STPG2: variants seen among roughly 807,000 people sequenced by gnomAD.
STPG2 encodes sperm tail PG-rich repeat containing 2, also known as sperm-tail PG-rich repeat-containing protein 2.
Under a neutral mutation model 54.2 loss-of-function variants are expected in STPG2, and 56 were observed. The observed-to-expected ratio is 1.03, with a 90% CI of 0.83 to 1.29. The LOEUF is 1.29. STPG2 is among the 50% of genes most tolerant of loss of function. The probability of loss-of-function intolerance (pLI) is 0.00; values close to 1 mark genes in which losing one functional copy is unlikely to be tolerated. For synonymous variants in STPG2, 200 were observed against 181.8 expected (o/e 1.10, Z -0.81); for missense variants, 596 against 544.9 (o/e 1.09, Z -0.93).
chr4:97,570,767 T>G (rs1578397256), intron 10 of STPG2, among the ~76,000 whole-genome samples: 1 of 152,276 alleles, frequency 6.6e-6, no homozygotes, highest in East Asian at 1.9e-4. Flanking sequence ...TCCTTTGATT[T>G]CTCACTTCTC....
At chr4:97,960,671 C>G (rs1733850186) in intron 7 of STPG2, among the ~76,000 whole-genome samples, 1 of 152,112 alleles carries the variant, frequency 6.6e-6, no homozygotes, top group East Asian at 1.9e-4. Context: ...AGGAAAACTA[C>G]AAAACACTGC....
Position 98,143,278 on chromosome 4 carries a change from A to G in STPG2, c.-128T>C. The G allele has an allele frequency of 6.0e-6, 4 of 662,220 alleles. No homozygotes were observed. In the South Asian group the frequency reaches 7.8e-5, roughly 13 times the overall value. The allele number at this position is 662,220 out of a possible 1,614,324, so 41.0% of individuals were successfully genotyped here. A position where few individuals can be genotyped will look rare whatever the true frequency, so the allele number is the denominator to read the frequency against. ...GGAGGCCGGGAAAGAACTTCCGTAA[A>G]CAGGGAAATTAGGGGTGGGGTTGTC... is the stretch of plus-strand genomic sequence containing the variant. On this transcript the variant is annotated 5_prime_UTR_variant, in exon 1 of 11. Transcript: ENST00000295268.
chr4:97,567,783 A>G (rs1047545032), intron 10 of STPG2, among the ~76,000 whole-genome samples: 1 of 152,124 alleles, frequency 6.6e-6, no homozygotes. Flanking sequence ...TAAAAGATAT[A>G]CCGCATGTTG....
At chr4:97,724,052 A>G (rs1724542657) in intron 9 of STPG2, among the ~76,000 whole-genome samples, 1 of 152,216 alleles carries the variant, frequency 6.6e-6, no homozygotes, top group Non-Finnish European at 1.5e-5. Flanking sequence ...ACATCTTTAC[A>G]ATAAATTGTC....
chr4:97,888,423 A>G (rs6838628), intron 8 of STPG2, among the ~76,000 whole-genome samples: 84,491 of 152,094 alleles, frequency 0.56, 23,768 homozygotes, highest in East Asian at 0.74. Flanking sequence ...TGGAGGTGAG[A>G]CATAGAGTCA....
At chr4:97,967,803 G>C (rs1734165941) in intron 7 of STPG2, among the ~76,000 whole-genome samples, 2 of 152,172 alleles carry the variant, frequency 1.3e-5, no homozygotes, top group South Asian at 4.1e-4. Flanking sequence ...GATGTTCTTT[G>C]AAACCAATGA....
At chr4:97,991,914 T>C (rs1197670328) in intron 5 of STPG2, among the ~76,000 whole-genome samples, 2 of 151,832 alleles carry the variant, frequency 1.3e-5, no homozygotes, top group Non-Finnish European at 2.9e-5. Context: ...CTTTTGAGAA[T>C]TGTCTATTCA....
chr4:97,714,417 T>C (rs1724226139), intron 9 of STPG2, among the ~76,000 whole-genome samples: 1 of 152,048 alleles, frequency 6.6e-6, no homozygotes, highest in South Asian at 2.1e-4. Context: ...TTTTGATACA[T>C]CAAGTGAAAA....
intron 9 of STPG2, among the ~76,000 whole-genome samples, chr4:97,738,950 C>G (rs1452720127): frequency 6.6e-6 from 1 of 151,912 alleles, no homozygotes; most frequent in Non-Finnish European, 1.5e-5. Flanking sequence ...CAAAATTGAC[C>G]AAATAGTTGG....
chr4:98,090,350 G>C (rs57532205), intron 5 of STPG2, among the ~76,000 whole-genome samples: 6 of 152,114 alleles, frequency 3.9e-5, no homozygotes, highest in African/African-American at 1.4e-4. Context: ...TCAAAGATTA[G>C]TTAGTTGGCT....
chr4:97,708,219 T>A (rs1400736301), intron 10 of STPG2, among the ~76,000 whole-genome samples: 1 of 152,034 alleles, frequency 6.6e-6, no homozygotes, highest in Non-Finnish European at 1.5e-5. Flanking sequence ...ATATTACCAC[T>A]TTTCATAATC....
intron 9 of STPG2, among the ~76,000 whole-genome samples, chr4:97,738,917 T>C (rs1362760581): frequency 1.3e-5 from 2 of 152,184 alleles, no homozygotes; most frequent in Admixed American, 6.5e-5. Context: ...ACATTTTTTT[T>C]CAGCACCGCA....
intron 8 of STPG2, among the ~76,000 whole-genome samples, chr4:97,907,105 T>C (rs1386790906): frequency 6.6e-6 from 1 of 152,118 alleles, no homozygotes; most frequent in African/African-American, 2.4e-5. Context: ...CATGATTGTA[T>C]ATCTAGGGAA....
chr4:97,913,152 G>A (rs985799082), intron 8 of STPG2, among the ~76,000 whole-genome samples: 1 of 152,186 alleles, frequency 6.6e-6, no homozygotes, highest in Non-Finnish European at 1.5e-5. Flanking sequence ...TTGTGACAGA[G>A]ACAGAAACAG....
At chr4:97,599,300 T>C (rs1243783173) in intron 10 of STPG2, among the ~76,000 whole-genome samples, 1 of 152,200 alleles carries the variant, frequency 6.6e-6, no homozygotes, top group African/African-American at 2.4e-5. Flanking sequence ...CTGGTGGGAA[T>C]GGAAATTAGT....
At chr4:97,774,772 A>G (rs1329012934) in intron 9 of STPG2, among the ~76,000 whole-genome samples, 1 of 152,218 alleles carries the variant, frequency 6.6e-6, no homozygotes, top group Non-Finnish European at 1.5e-5. Context: ...TGAAGAACCC[A>G]TCTCCTTTCC....
chr4:97,578,794 C>A (rs1732788879), intron 10 of STPG2, among the ~76,000 whole-genome samples: 1 of 152,028 alleles, frequency 6.6e-6, no homozygotes, highest in Non-Finnish European at 1.5e-5. Context: ...GAGAGTAGTT[C>A]TTCTTCTTAC....
intron 9 of STPG2, among the ~76,000 whole-genome samples, chr4:97,743,281 T>C (rs1725324119): frequency 6.6e-6 from 1 of 151,746 alleles, no homozygotes; most frequent in Non-Finnish European, 1.5e-5. Context: ...CACTGTGCCT[T>C]TGTTCAGAGT....
At chr4:97,788,593 C>A (rs1053824029) in intron 9 of STPG2, among the ~76,000 whole-genome samples, 11 of 152,116 alleles carry the variant, frequency 7.2e-5, no homozygotes, top group Non-Finnish European at 1.5e-4. Flanking sequence ...ATATATCCAG[C>A]AGTGGGACTG....
Sources: gnomAD v4.1 joint callset for allele counts (sites outside exome capture counted in the v4.1 genomes callset) on GRCh38, gnomAD v4.1.1 for gene constraint, MANE v1.5 for transcripts, NCBI Gene and HGNC (gene_info 2026-07-23, HGNC 2026-07-21) for gene names.